The following SKIL variants were observed in gnomAD, a reference collection of about 807,000 sequenced individuals.
SKIL encodes the protein SKI like proto-oncogene, also known as ski-like protein.
SKIL carries 20 observed loss-of-function variants against 69.6 expected under a neutral mutation model. The observed-to-expected ratio is 0.29, with a 90% CI of 0.20 to 0.42. SKIL has a LOEUF of 0.42. Among genes scored for constraint, SKIL ranks in the 10% least tolerant of loss-of-function variants. The probability of loss-of-function intolerance (pLI) is 1.00; values close to 1 mark genes in which losing one functional copy is unlikely to be tolerated. For missense variants in SKIL, 745 were observed against 783.1 expected, an observed-to-expected ratio of 0.95 and a Z score of 0.58; for synonymous variants, 310 against 279.9, an observed-to-expected ratio of 1.11 and a Z score of -1.08.
rs777037235 is a variant in SKIL, at chr3:170,360,206, C to G, written c.-126C>G. ...AAAATTTATTAATTTAAGGGGCTCT[C>G]GCTTTGAAAGTTTGAGAGTAAGTTA... On this transcript the variant is annotated 5_prime_UTR_variant, in exon 2 of 7. Coordinates refer to ENST00000259119, the MANE Select transcript of SKIL (RefSeq NM_005414.5). 6 of 940,766 alleles carry G rather than the reference C, an allele frequency of 6.4e-6. No homozygotes were observed. The highest frequency in any genetic ancestry group is 9.4e-6 in the Non-Finnish European group (6 of 637,368). 58.3% of individuals were successfully genotyped at this position (940,766 alleles called of 1,614,324 possible).
At chr3:170,376,372 T>C (rs1166316341) in intron 2 of SKIL, among the ~76,000 whole-genome samples, 1 of 152,154 alleles carries the variant, frequency 6.6e-6, no homozygotes, top group Non-Finnish European at 1.5e-5. Flanking sequence ...ATTTTACTGA[T>C]TTGTTAGAAT....
At chr3:170,379,791 G>A (rs1331530623) in intron 2 of SKIL, among the ~76,000 whole-genome samples, 4 of 152,010 alleles carry the variant, frequency 2.6e-5, no homozygotes, top group Non-Finnish European at 2.9e-5. Flanking sequence ...TTACAGGAGC[G>A]CACCACCATG....
At chr3:170,384,801 AT>A in intron 4 of SKIL, 36 bp downstream of exon 4, 1 of 1,098,236 alleles carries the variant, frequency 9.1e-7, no homozygotes, top group Non-Finnish European at 1.3e-6. Flanking sequence ...AAAATTAAAT[AT>A]CTAATGAACA....
At position 170,395,719 on chromosome 3, in the gene SKIL, AT is replaced by A. The variant is rs1249695335; in HGVS notation, c.*3304del. 6.6e-6 allele frequency: 1 copy of A among 152,110 alleles called. No individual in the cohort carries two copies. Among genetic ancestry groups the A allele is most frequent in the Non-Finnish European group, 1.5e-5 (1 of 67,944 alleles). The allele number at this position is 152,110 out of a possible 1,614,324, so 9.4% of individuals were successfully genotyped here. A position where few individuals can be genotyped will look rare whatever the true frequency, so the allele number is the denominator to read the frequency against. ...CATATGTTTTGATTACTTAGGGAAG[AT>A]TCCTCATTTTTATTTGCCCTTTATG... On this transcript the variant is annotated 3_prime_UTR_variant, in exon 7 of 7. Coordinates refer to ENST00000259119, the MANE Select transcript of SKIL (RefSeq NM_005414.5).
intron 4 of SKIL, among the ~76,000 whole-genome samples, chr3:170,386,226 G>A (rs557197051): frequency 6.6e-6 from 1 of 150,556 alleles, no homozygotes; most frequent in East Asian, 2.0e-4. Flanking sequence ...CGCCTCCCAG[G>A]TTCAAGTGAT....
chr3:170,380,162 A>G (rs1052962920), intron 2 of SKIL, among the ~76,000 whole-genome samples: 5 of 152,184 alleles, frequency 3.3e-5, no homozygotes, highest in Non-Finnish European at 7.3e-5. Flanking sequence ...ATTAGGAAAT[A>G]TAGTTTAATG....
Position 170,390,408 on chromosome 3 carries a change from T to C in SKIL, c.1615T>C (p.Leu539=), listed in dbSNP as rs1266267385. 2 of 1,613,136 alleles carry C rather than the reference T, an allele frequency of 1.2e-6. No homozygotes were observed. The highest frequency in any genetic ancestry group is 1.7e-6 in the Non-Finnish European group (2 of 1,179,080). Residue 539 remains leucine (L), a synonymous_variant, in exon 5 of 7, where the codon TTA becomes CTA. Coordinates refer to ENST00000259119, the MANE Select transcript of SKIL (RefSeq NM_005414.5). ...CATGGAAGAAGTAATGAGAACTTAT[T>C]TAAAACAACAGGAAAAACTAAACTT... The part of the protein sequence containing the change: ...KIMEEVMRTY[L]KQQEKLNLIL...
chr3:170,385,246 T>TA (rs1466847606), intron 4 of SKIL, among the ~76,000 whole-genome samples: 36 of 149,638 alleles, frequency 2.4e-4, no homozygotes, highest in Middle Eastern at 3.5e-3. Flanking sequence ...CCTGGCTAAT[T>TA]AAAAAAAAAA....
At chr3:170,381,363 C>A in intron 3 of SKIL, 22 bp downstream of exon 3, 1 of 1,128,810 alleles carries the variant, frequency 8.9e-7, no homozygotes. Context: ...TTTATTTGTT[C>A]GTTTGTTCAT....
In SKIL at chr3:170,381,201, A is replaced by G. The variant is rs531927155; in HGVS notation, c.1099-43A>G. ...GTTGACACATAAAATTAACCTTCAC[A>G]GTTTTACTTCAATAAATGTTTCCCT... On this transcript the variant is annotated intron_variant, in intron 2 of 6. Transcript: ENST00000259119. The G allele has an allele frequency of 1.4e-5, 15 of 1,063,360 alleles. No homozygotes were observed. In the South Asian group the frequency reaches 1.6e-4, roughly 12 times the overall value. 65.9% of individuals were successfully genotyped at this position (1,063,360 alleles called of 1,614,324 possible). A position where few individuals can be genotyped will look rare whatever the true frequency, so the allele number is the denominator to read the frequency against.
At chr3:170,374,454 GTA>G (rs1391886537) in intron 2 of SKIL, among the ~76,000 whole-genome samples, 3 of 152,080 alleles carry the variant, frequency 2.0e-5, no homozygotes, top group Non-Finnish European at 4.4e-5. Flanking sequence ...ATAATGTATT[GTA>G]TTTTAAAATT....
At chr3:170,368,266 CAT>C (rs1267543240) in intron 2 of SKIL, among the ~76,000 whole-genome samples, 5 of 152,174 alleles carry the variant, frequency 3.3e-5, no homozygotes, top group African/African-American at 1.2e-4. Flanking sequence ...TATTTGTGCT[CAT>C]ATGAGGGACC....
chr3:170,392,975 A>C lies in SKIL; in HGVS notation c.*558A>C, dbSNP rs1738000107. 6.6e-6 allele frequency: 1 copy of C among 152,194 alleles called. No homozygotes were observed. The highest frequency in any genetic ancestry group is 1.5e-5 in the Non-Finnish European group (1 of 68,030). 9.4% of individuals were successfully genotyped at this position (152,194 alleles called of 1,614,324 possible). ...ACCAGTTCTCTTCTTTTTAATGTGTACCCTAGGAGGAATTTTACTGAGGTT... is the reference window on the plus strand; with the variant it reads ...ACCAGTTCTCTTCTTTTTAATGTGTCCCCTAGGAGGAATTTTACTGAGGTT... On this transcript the variant is annotated 3_prime_UTR_variant, in exon 7 of 7. Transcript: ENST00000259119.
intron 4 of SKIL, among the ~76,000 whole-genome samples, chr3:170,387,494 A>G (rs1737694295): frequency 6.6e-6 from 1 of 150,950 alleles, no homozygotes; most frequent in African/African-American, 2.4e-5. Context: ...TAATGTTTTC[A>G]CAGTCCATGT....
At chr3:170,381,211 C>G in intron 2 of SKIL, 33 bp from the exon 3 acceptor site, 1 of 1,170,268 alleles carries the variant, frequency 8.5e-7, no homozygotes, top group Non-Finnish European at 1.3e-6. Context: ...AGTTTTACTT[C>G]AATAAATGTT....
chr3:170,380,440 T>G (rs1051893212), intron 2 of SKIL, among the ~76,000 whole-genome samples: 2 of 152,068 alleles, frequency 1.3e-5, no homozygotes, highest in Non-Finnish European at 2.9e-5. Flanking sequence ...GTCAGGAGTT[T>G]GAGATCAGCC....
chr3:170,387,759 T>TAAAAA lies in SKIL; in HGVS notation c.1430-2453_1430-2449dup, dbSNP rs748924498. On this transcript the variant is annotated intron_variant, in intron 4 of 6. Transcript: ENST00000259119. ...TAAAACGGTGAAACCCCGTCTCTAC[T>TAAAAA]AAAAAAAAAAAAAAATACAAAAAAA... is the stretch of plus-strand genomic sequence containing the variant. Among the ~76,000 whole-genome samples, 275 of 57,672 alleles carry TAAAAA rather than the reference T, an allele frequency of 4.8e-3. 18 individuals are homozygous for TAAAAA. The highest frequency in any genetic ancestry group is 9.0e-3 in the Non-Finnish European group (223 of 24,766). The allele number at this position is 57,672 out of a possible 152,430, so 37.8% of individuals were successfully genotyped here. A position where few individuals can be genotyped will look rare whatever the true frequency, so the allele number is the denominator to read the frequency against.
At position 170,395,738 on chromosome 3, in the gene SKIL, C is replaced by A. The variant is rs1344718785; in HGVS notation, c.*3321C>A. 6.6e-6 allele frequency: 1 copy of A among 151,880 alleles called. No homozygotes were observed. Among genetic ancestry groups the A allele is most frequent in the African/African-American group, 2.4e-5 (1 of 41,366 alleles). The allele number at this position is 151,880 out of a possible 1,614,324, so 9.4% of individuals were successfully genotyped here. A position where few individuals can be genotyped will look rare whatever the true frequency, so the allele number is the denominator to read the frequency against. ...GGGAAGATTCCTCATTTTTATTTGC[C>A]CTTTATGCATTTAATCCACATGATA... is the stretch of plus-strand genomic sequence containing the variant. On this transcript the variant is annotated 3_prime_UTR_variant, in exon 7 of 7. Transcript: ENST00000259119.
At chr3:170,383,319 ATT>A (rs752609807) in intron 3 of SKIL, among the ~76,000 whole-genome samples, 1 of 152,192 alleles carries the variant, frequency 6.6e-6, no homozygotes, top group Non-Finnish European at 1.5e-5. Flanking sequence ...GAAAACTGAG[ATT>A]TTGGCTCAAA....
Sources: allele counts gnomAD v4.1 joint callset (sites outside exome capture counted in the v4.1 genomes callset), GRCh38; gene constraint gnomAD v4.1.1; transcripts MANE v1.5; gene names NCBI Gene and HGNC (gene_info 2026-07-23, HGNC 2026-07-21).